Variants in MMP16 observed in about 807,000 individuals in gnomAD.
The protein encoded by MMP16 is matrix metallopeptidase 16, also known as matrix metalloproteinase-16.
Under a neutral mutation model 67.8 loss-of-function variants are expected in MMP16, and 12 were observed. The ratio of observed to expected loss-of-function variants is 0.18; its 90% confidence interval spans 0.11 to 0.29. MMP16 has a LOEUF of 0.29. Ranked by LOEUF, MMP16 falls within the 10% of genes least tolerant of loss-of-function variation. The pLI, the probability that MMP16 is intolerant of heterozygous loss-of-function variation, is 1.00. For missense variants in MMP16, 475 were observed against 765.7 expected, an observed-to-expected ratio of 0.62 and a Z score of 4.48; for synonymous variants, 249 against 255.9, an observed-to-expected ratio of 0.97 and a Z score of 0.26.
chr8:88,049,952 G>A (rs2118209139), intron 8 of MMP16, among the ~76,000 whole-genome samples: 1 of 152,288 alleles, frequency 6.6e-6, no homozygotes, highest in East Asian at 1.9e-4. Flanking sequence ...TTGAGCCCAG[G>A]AGGTTGAGGC....
intron 1 of MMP16, among the ~76,000 whole-genome samples, chr8:88,308,318 G>A (rs1319694073): frequency 6.6e-6 from 1 of 152,036 alleles, no homozygotes; most frequent in Non-Finnish European, 1.5e-5. Flanking sequence ...TAAGACGTAG[G>A]AGGCATCACA....
At chr8:88,127,414 G>A (rs1468847083) in intron 4 of MMP16, among the ~76,000 whole-genome samples, 1 of 151,854 alleles carries the variant, frequency 6.6e-6, no homozygotes, top group East Asian at 1.9e-4. Flanking sequence ...CTAAGGTAGT[G>A]ATGAAGGGAA....
chr8:88,287,718 G>A (rs1363452228), intron 1 of MMP16, among the ~76,000 whole-genome samples: 2 of 152,182 alleles, frequency 1.3e-5, no homozygotes, highest in Admixed American at 1.3e-4. Flanking sequence ...CCCATTATGT[G>A]ACAGGCAGTG....
chr8:88,141,366 T>G (rs28907596), intron 4 of MMP16, among the ~76,000 whole-genome samples: 11,430 of 152,112 alleles, frequency 0.075, 441 homozygotes, highest in East Asian at 0.16. Flanking sequence ...TATAAATCAG[T>G]GAAATTAAAT....
At chr8:88,109,585 A>G (rs1486647940) in intron 6 of MMP16, among the ~76,000 whole-genome samples, 2 of 151,332 alleles carry the variant, frequency 1.3e-5, no homozygotes, top group Non-Finnish European at 3.0e-5. Context: ...CAACAGTGGC[A>G]CATTCACAAA....
intron 4 of MMP16, among the ~76,000 whole-genome samples, chr8:88,144,601 G>T (rs1469985057): frequency 6.6e-6 from 1 of 151,546 alleles, no homozygotes; most frequent in East Asian, 1.9e-4. Context: ...AATATAATAT[G>T]GGAAAATAAT....
At chr8:88,286,293 A>G (rs900909368) in intron 1 of MMP16, among the ~76,000 whole-genome samples, 4 of 152,138 alleles carry the variant, frequency 2.6e-5, no homozygotes, top group Admixed American at 1.3e-4. Context: ...TCCTGTCTTC[A>G]TAGTATACTT....
chr8:88,313,628 T>C (rs1811333079), intron 1 of MMP16, among the ~76,000 whole-genome samples: 1 of 152,312 alleles, frequency 6.6e-6, no homozygotes, highest in Non-Finnish European at 1.5e-5. Context: ...AAAAGCGTTA[T>C]TCTTTCTACC....
intron 3 of MMP16, among the ~76,000 whole-genome samples, chr8:88,169,333 T>C (rs1371827493): frequency 6.6e-6 from 1 of 152,180 alleles, no homozygotes; most frequent in Non-Finnish European, 1.5e-5. Flanking sequence ...ATAGTATTAA[T>C]TGAGCATTTA....
intron 6 of MMP16, among the ~76,000 whole-genome samples, chr8:88,112,666 G>GTGTGTGT (rs1809356091): frequency 6.8e-6 from 1 of 146,790 alleles, no homozygotes; most frequent in Non-Finnish European, 1.5e-5. Context: ...AGGACAGAAG[G>GTGTGTGT]GTGTGTGTGT....
At chr8:88,141,578 G>A (rs1586171959) in intron 4 of MMP16, among the ~76,000 whole-genome samples, 1 of 152,100 alleles carries the variant, frequency 6.6e-6, no homozygotes, top group Non-Finnish European at 1.5e-5. Flanking sequence ...CATCTGTAAA[G>A]TTAAGATAAT....
intron 1 of MMP16, among the ~76,000 whole-genome samples, chr8:88,315,562 T>G (rs900630078): frequency 5.9e-5 from 9 of 152,104 alleles, no homozygotes; most frequent in African/African-American, 2.2e-4. Flanking sequence ...TGTTTCAGAG[T>G]ACCACAAACT....
intron 6 of MMP16, among the ~76,000 whole-genome samples, chr8:88,096,512 G>GC (rs1809029252): frequency 8.2e-6 from 1 of 121,296 alleles, no homozygotes; most frequent in African/African-American, 3.0e-5. Context: ...AAGGATCACT[G>GC]CCATTTTTTT....
At chr8:88,099,244 T>C (rs1014252318) in intron 6 of MMP16, among the ~76,000 whole-genome samples, 7 of 151,758 alleles carry the variant, frequency 4.6e-5, no homozygotes, top group Non-Finnish European at 8.8e-5. Context: ...AAATTTTTAC[T>C]AAAATTTTAT....
At chr8:88,101,864 A>T (rs1323387139) in intron 6 of MMP16, among the ~76,000 whole-genome samples, 1 of 151,838 alleles carries the variant, frequency 6.6e-6, no homozygotes, top group Admixed American at 6.6e-5. Flanking sequence ...GATAGGACAT[A>T]TCCCTGCTAT....
chr8:88,037,575 C>T lies in MMP16; in HGVS notation c.*3886G>A, dbSNP rs1563513987. 6.6e-6 allele frequency: 1 copy of T among 151,840 alleles called. No individual in the cohort carries two copies. Among genetic ancestry groups the T allele is most frequent in the African/African-American group, 2.4e-5 (1 of 41,392 alleles). The allele number at this position is 151,840 out of a possible 1,614,324, so 9.4% of individuals were successfully genotyped here. A position where few individuals can be genotyped will look rare whatever the true frequency, so the allele number is the denominator to read the frequency against. ...ATGCTGTCTAATTTAGCTCTATAAC[C>T]TTTGCAATCAGAAAGAGCATCTGTA... On this transcript the variant is annotated 3_prime_UTR_variant, in exon 10 of 10. Coordinates refer to ENST00000286614, the MANE Select transcript of MMP16 (RefSeq NM_005941.5).
At chr8:88,242,005 A>G (rs1460331060) in intron 1 of MMP16, among the ~76,000 whole-genome samples, 3 of 152,152 alleles carry the variant, frequency 2.0e-5, no homozygotes, top group African/African-American at 7.2e-5. Context: ...ATTTTCTTGG[A>G]ACAACTAGAT....
At chr8:88,232,174 A>G (rs552514229) in intron 1 of MMP16, among the ~76,000 whole-genome samples, 15 of 152,232 alleles carry the variant, frequency 9.9e-5, no homozygotes, top group South Asian at 6.2e-4. Context: ...ACCTTGATAG[A>G]TATTTAATGT....
chr8:88,238,678 A>G (rs1327192017), intron 1 of MMP16, among the ~76,000 whole-genome samples: 2 of 151,452 alleles, frequency 1.3e-5, no homozygotes, highest in Non-Finnish European at 1.5e-5. Flanking sequence ...AAAAAAAAAA[A>G]AAAAAAAAAA....
Sources: allele counts gnomAD v4.1 joint callset (sites outside exome capture counted in the v4.1 genomes callset), GRCh38; gene constraint gnomAD v4.1.1; transcripts MANE v1.5; gene names NCBI Gene and HGNC (gene_info 2026-07-23, HGNC 2026-07-21).